Variants in LRMDA observed in about 807,000 individuals in gnomAD.
LRMDA encodes the protein leucine-rich melanocyte differentiation-associated protein.
In LRMDA, 18 loss-of-function variants were observed where a neutral mutation model predicts 29.8. The ratio of observed to expected loss-of-function variants is 0.60; its 90% CI spans 0.42 to 0.90. The LOEUF (loss-of-function observed/expected upper bound fraction) is 0.90, where lower values mean the gene tolerates loss of function less well. Among genes scored for constraint, LRMDA ranks in the 40% least tolerant of loss-of-function variants. The pLI is 0.00. For missense variants in LRMDA, 273 were observed against 273.9 expected (o/e 1.00, Z 0.02); for synonymous variants, 125 against 109.4 (o/e 1.14, Z -0.89).
chr10:76,265,734 G>A (rs1457096817), intron 5 of LRMDA, among the ~76,000 whole-genome samples: 1 of 152,144 alleles, frequency 6.6e-6, no homozygotes, highest in Admixed American at 6.5e-5. Flanking sequence ...CTTTCCATGT[G>A]TGTTGGTTTG....
intron 2 of LRMDA, among the ~76,000 whole-genome samples, chr10:75,822,782 A>C (rs558324044): frequency 2.6e-5 from 4 of 152,206 alleles, no homozygotes; most frequent in South Asian, 4.2e-4. Context: ...GCTGGAGTGC[A>C]CTGGTGAGAG....
chr10:76,024,735 T>G (rs1848033010), intron 2 of LRMDA, among the ~76,000 whole-genome samples: 1 of 152,230 alleles, frequency 6.6e-6, no homozygotes, highest in South Asian at 2.1e-4. Context: ...TCCAGCCGTG[T>G]AAATGTCTCC....
chr10:75,644,270 A>T (rs569011710), intron 2 of LRMDA, among the ~76,000 whole-genome samples: 1 of 152,254 alleles, frequency 6.6e-6, no homozygotes, highest in East Asian at 1.9e-4. Context: ...TTGAAGGAGG[A>T]TGACTGTGGG....
intron 2 of LRMDA, among the ~76,000 whole-genome samples, chr10:75,592,435 C>G (rs1840734654): frequency 6.6e-6 from 1 of 152,246 alleles, no homozygotes; most frequent in Non-Finnish European, 1.5e-5. Flanking sequence ...ATTTCCTGTT[C>G]TGAGAGGACG....
intron 5 of LRMDA, among the ~76,000 whole-genome samples, chr10:76,237,438 G>A (rs923284007): frequency 3.9e-5 from 6 of 152,048 alleles, no homozygotes; most frequent in Admixed American, 3.9e-4. Context: ...GTGACCCAAG[G>A]TTATCAGTAA....
At chr10:75,896,447 C>G (rs1845583926) in intron 2 of LRMDA, among the ~76,000 whole-genome samples, 1 of 152,168 alleles carries the variant, frequency 6.6e-6, no homozygotes, top group Non-Finnish European at 1.5e-5. Context: ...GTGATTTTCT[C>G]CTCTTCATTG....
chr10:75,980,789 T>A (rs368866200), intron 2 of LRMDA, among the ~76,000 whole-genome samples: 8 of 152,230 alleles, frequency 5.3e-5, no homozygotes, highest in African/African-American at 1.9e-4. Context: ...CACTTTCCTA[T>A]TTTTCCAACA....
In LRMDA at chr10:75,829,242, C is replaced by G. The variant is rs1844297530; in HGVS notation, c.132-206766C>G. On this transcript the variant is annotated intron_variant, in intron 2 of 6. Coordinates refer to ENST00000611255, the MANE Select transcript of LRMDA (RefSeq NM_001305581.2). Reference sequence around the variant, plus strand: ...CTCCACACCAAAGCAGGCATCCACTCAAGGCCAGCTCAACACTTCAGCTCC... The same window carrying G: ...CTCCACACCAAAGCAGGCATCCACTGAAGGCCAGCTCAACACTTCAGCTCC... Among the ~76,000 whole-genome samples the G allele has an allele frequency of 3.3e-5, 5 of 152,214 alleles. No homozygotes were observed. The South Asian group carries it at 1.0e-3, about 32-fold the overall frequency.
intron 6 of LRMDA, among the ~76,000 whole-genome samples, chr10:76,344,393 A>T (rs2132423401): frequency 6.6e-6 from 1 of 152,252 alleles, no homozygotes; most frequent in South Asian, 2.1e-4. Context: ...GTGCACAAGA[A>T]TTCTTGACAT....
At chr10:75,806,889 C>G (rs528411775) in intron 2 of LRMDA, among the ~76,000 whole-genome samples, 1 of 151,614 alleles carries the variant, frequency 6.6e-6, no homozygotes, top group Non-Finnish European at 1.5e-5. Flanking sequence ...TATTCTATGT[C>G]TTAGGCTCTT....
chr10:76,431,696 G>C (rs574635617), intron 6 of LRMDA, among the ~76,000 whole-genome samples: 61 of 152,278 alleles, frequency 4.0e-4, no homozygotes, highest in African/African-American at 1.3e-3. Context: ...TGGTGGTGCT[G>C]TGGATGATAA....
At chr10:75,830,123 T>C (rs1160522895) in intron 2 of LRMDA, among the ~76,000 whole-genome samples, 2 of 152,130 alleles carry the variant, frequency 1.3e-5, no homozygotes, top group Non-Finnish European at 2.9e-5. Flanking sequence ...TGGGAAAATA[T>C]ATCGAACCAC....
At chr10:76,145,458 A>G (rs1850296440) in intron 5 of LRMDA, among the ~76,000 whole-genome samples, 1 of 151,720 alleles carries the variant, frequency 6.6e-6, no homozygotes, top group African/African-American at 2.4e-5. Flanking sequence ...TTTCTTCTAG[A>G]TTTTCTAGTT....
chr10:76,453,429 C>G (rs1842426667), intron 6 of LRMDA, among the ~76,000 whole-genome samples: 1 of 152,156 alleles, frequency 6.6e-6, no homozygotes, highest in African/African-American at 2.4e-5. Flanking sequence ...CATACAGAGT[C>G]TTCTTGAAAC....
intron 5 of LRMDA, among the ~76,000 whole-genome samples, chr10:76,316,732 C>T (rs1210187885): frequency 2.6e-5 from 4 of 152,202 alleles, no homozygotes; most frequent in Non-Finnish European, 5.9e-5. Flanking sequence ...TATTACATTA[C>T]ATTCTGATTA....
chr10:76,011,780 C>T (rs1320596346), intron 2 of LRMDA, among the ~76,000 whole-genome samples: 1 of 152,150 alleles, frequency 6.6e-6, no homozygotes, highest in Non-Finnish European at 1.5e-5. Flanking sequence ...CTCTATCCTC[C>T]AGGGATTGGC....
At chr10:76,401,320 G>A (rs1236004474) in intron 6 of LRMDA, among the ~76,000 whole-genome samples, 1 of 152,156 alleles carries the variant, frequency 6.6e-6, no homozygotes, top group African/African-American at 2.4e-5. Flanking sequence ...TTATTTACTT[G>A]CTTATTCTTT....
At chr10:75,468,956 A>C (rs1253628579) in intron 2 of LRMDA, among the ~76,000 whole-genome samples, 1 of 152,152 alleles carries the variant, frequency 6.6e-6, no homozygotes, top group Non-Finnish European at 1.5e-5. Context: ...AAAAGGGAGC[A>C]AGAGAAAGGC....
intron 5 of LRMDA, among the ~76,000 whole-genome samples, chr10:76,181,822 C>T (rs890083145): frequency 5.3e-5 from 8 of 152,226 alleles, no homozygotes; most frequent in Non-Finnish European, 2.9e-5. Flanking sequence ...GACTAAATCT[C>T]ACAGGGGTGC....
Sources: allele counts gnomAD v4.1 joint callset (sites outside exome capture counted in the v4.1 genomes callset), GRCh38; gene constraint gnomAD v4.1.1; transcripts MANE v1.5; gene names NCBI Gene and HGNC (gene_info 2026-07-23, HGNC 2026-07-21).